Variants in AK3 observed in about 807,000 individuals in gnomAD.
AK3 encodes the protein GTP:AMP phosphotransferase AK3, mitochondrial.
In AK3, 27 loss-of-function variants were observed where a neutral mutation model predicts 23.7. The ratio of observed to expected loss-of-function variants is 1.14; its 90% CI spans 0.84 to 1.57. The LOEUF is 1.57. AK3 is among the 40% of genes most tolerant of loss of function. The probability of loss-of-function intolerance (pLI) is 0.00; values close to 1 mark genes in which losing one functional copy is unlikely to be tolerated. For synonymous variants in AK3, 159 were observed against 116.0 expected, an observed-to-expected ratio of 1.37 and a Z score of -2.38; for missense variants, 406 against 285.6, an observed-to-expected ratio of 1.42 and a Z score of -3.04.
At chr9:4,740,128 T>G (rs12349358) in intron 1 of AK3, among the ~76,000 whole-genome samples, 1 of 148,198 alleles carries the variant, frequency 6.7e-6, no homozygotes, top group Non-Finnish European at 1.5e-5. Context: ...TCTATGTAAA[T>G]GGGTTTCAAA....
At chr9:4,738,484 C>G (rs958768063) in intron 1 of AK3, among the ~76,000 whole-genome samples, 1 of 151,954 alleles carries the variant, frequency 6.6e-6, no homozygotes, top group Admixed American at 6.6e-5. Context: ...ATTTTTAAGA[C>G]TGCTTAATGA....
intron 1 of AK3, among the ~76,000 whole-genome samples, chr9:4,739,522 A>G (rs1339750446): frequency 1.3e-5 from 2 of 151,244 alleles, no homozygotes; most frequent in Non-Finnish European, 2.9e-5. Context: ...ACATACTACA[A>G]AAACAGAATG....
At chr9:4,740,525 A>T (rs1303782982) in intron 1 of AK3, among the ~76,000 whole-genome samples, 1 of 152,190 alleles carries the variant, frequency 6.6e-6, no homozygotes, top group Non-Finnish European at 1.5e-5. Context: ...AGAAACAAAG[A>T]AAACAAAACA....
chr9:4,722,421 G>A (rs1288902022), intron 2 of AK3, 85 bp downstream of exon 2: 47 of 1,585,506 alleles, frequency 3.0e-5, no homozygotes, highest in Admixed American at 6.9e-5. Context: ...CATCCTTGAC[G>A]TCTGTCTGAA....
chr9:4,731,484 G>A (rs1016314369), intron 1 of AK3, among the ~76,000 whole-genome samples: 3 of 151,274 alleles, frequency 2.0e-5, no homozygotes, highest in East Asian at 1.9e-4. Context: ...ATTTAATGGT[G>A]TCTATATCAT....
At chr9:4,733,836 G>A (rs1453246718) in intron 1 of AK3, among the ~76,000 whole-genome samples, 1 of 152,116 alleles carries the variant, frequency 6.6e-6, no homozygotes, top group East Asian at 1.9e-4. Flanking sequence ...CTTTACTCAA[G>A]CCGCATGGTA....
chr9:4,730,926 C>G (rs1842138125), intron 1 of AK3, among the ~76,000 whole-genome samples: 1 of 152,004 alleles, frequency 6.6e-6, no homozygotes, highest in Admixed American at 6.6e-5. Flanking sequence ...TTTATCTTCT[C>G]AGTTATAATT....
chr9:4,735,703 A>C lies in AK3; in HGVS notation c.151+5234T>G, dbSNP rs1230970740. 1.9e-4 allele frequency among the ~76,000 whole-genome samples: 29 copies of C among 150,336 alleles called. No homozygotes were observed. In the Admixed American group the frequency reaches 1.9e-3, roughly 10 times the overall value. The stretch of plus-strand genomic sequence containing the variant: ...AGGCTGATCCCAAACCCCTGACCTC[A>C]AATGATCCACCTTCCTCGGCCTCCC... On this transcript the variant is annotated intron_variant, in intron 1 of 4. Coordinates refer to ENST00000381809, the MANE Select transcript of AK3 (RefSeq NM_016282.4).
chr9:4,726,805 G>C (rs1384426388), intron 1 of AK3, among the ~76,000 whole-genome samples: 1 of 151,318 alleles, frequency 6.6e-6, no homozygotes, highest in Non-Finnish European at 1.5e-5. Context: ...AAATCCATCA[G>C]AGGAATCACT....
intron 1 of AK3, among the ~76,000 whole-genome samples, chr9:4,733,368 G>A (rs439660): frequency 6.6e-6 from 1 of 152,018 alleles, no homozygotes; most frequent in African/African-American, 2.4e-5. Flanking sequence ...AAACACTTGA[G>A]TCAACAAAGT....
rs1243158946 is a variant in AK3 at position 4,719,217 on chromosome 9, A to G, written c.362T>C (p.Ile121Thr). 6.2e-7 allele frequency: 1 copy of G among 1,612,032 alleles called. No individual in the cohort carries two copies. Among genetic ancestry groups the G allele is most frequent in the Non-Finnish European group, 8.5e-7 (1 of 1,179,826 alleles). Residue 121 changes from isoleucine to threonine, a missense_variant, in exon 3 of 5, where the codon ATT (isoleucine) becomes ACT (threonine). Ile to Thr is a moderately conservative substitution (Grantham distance 89). Coordinates refer to ENST00000381809, the MANE Select transcript of AK3 (RefSeq NM_016282.4). The stretch of plus-strand genomic sequence containing the variant: ...CCAGCGAGCAGTAAGGCGTTGTTTA[A>G]TGACCTCAAAGGGCACATTCAGGTT... ...VINLNVPFEVIKQRLTARWIH... is the reference protein window; with the variant it reads ...VINLNVPFEVTKQRLTARWIH...
intron 1 of AK3, among the ~76,000 whole-genome samples, chr9:4,724,600 G>A (rs1367260221): frequency 6.6e-6 from 1 of 152,090 alleles, no homozygotes; most frequent in African/African-American, 2.4e-5. Flanking sequence ...GCAACATGGT[G>A]AGACCCCATC....
chr9:4,735,504 G>C (rs1452132619), intron 1 of AK3, among the ~76,000 whole-genome samples: 1 of 117,236 alleles, frequency 8.5e-6, no homozygotes, highest in African/African-American at 3.6e-5. Context: ...TGGAAACAGA[G>C]TCTCACTGTG....
chr9:4,719,221 C>T lies in AK3; in HGVS notation c.358G>A (p.Val120Ile), dbSNP rs754942845. Reference sequence around the variant, plus strand: ...CGAGCAGTAAGGCGTTGTTTAATGACCTCAAAGGGCACATTCAGGTTAATC... The same window carrying T: ...CGAGCAGTAAGGCGTTGTTTAATGATCTCAAAGGGCACATTCAGGTTAATC... ...TVINLNVPFEVIKQRLTARWI... is the reference protein window; with the variant it reads ...TVINLNVPFEIIKQRLTARWI... Residue 120 changes from valine to isoleucine, a missense_variant, in exon 3 of 5, where the codon GTC (valine) becomes ATC (isoleucine). Coordinates refer to ENST00000381809, the MANE Select transcript of AK3 (RefSeq NM_016282.4). 6.8e-6 allele frequency: 11 copies of T among 1,611,790 alleles called. No homozygotes were observed. In the South Asian group the frequency reaches 7.7e-5, roughly 11 times the overall value.
At chr9:4,738,774 T>A (rs1842355405) in intron 1 of AK3, among the ~76,000 whole-genome samples, 1 of 144,280 alleles carries the variant, frequency 6.9e-6, no homozygotes, top group South Asian at 2.3e-4. Context: ...TTTTTTTTTT[T>A]TTTTTTTTTT....
At chr9:4,740,857 C>T (rs1308520593) in intron 1 of AK3, 80 bp downstream of exon 1, 4 of 1,357,218 alleles carry the variant, frequency 2.9e-6, no homozygotes, top group Non-Finnish European at 3.8e-6. Context: ...CAGGGACCCG[C>T]GTGCCCAGCT....
intron 1 of AK3, among the ~76,000 whole-genome samples, chr9:4,738,761 CTTTTTTTTTT>C (rs35812152): frequency 1.4e-3 from 106 of 75,106 alleles, no homozygotes; most frequent in African/African-American, 5.2e-3. Flanking sequence ...ATATGCTTTA[CTTTTTTTTTT>C]TTTTTTTTTT....
At chr9:4,715,048 G>C (rs756913865) in intron 4 of AK3, among the ~76,000 whole-genome samples, 7 of 151,634 alleles carry the variant, frequency 4.6e-5, no homozygotes, top group Non-Finnish European at 1.0e-4. Flanking sequence ...GCGAAACCCC[G>C]TCTCTACTAA....
intron 1 of AK3, among the ~76,000 whole-genome samples, chr9:4,730,549 G>C (rs1183659890): frequency 6.6e-6 from 1 of 152,176 alleles, no homozygotes; most frequent in Non-Finnish European, 1.5e-5. Context: ...GCTGCAGTGA[G>C]CCATGACCGC....
Sources: allele counts gnomAD v4.1 joint callset (sites outside exome capture counted in the v4.1 genomes callset), GRCh38; gene constraint gnomAD v4.1.1; transcripts MANE v1.5; gene names NCBI Gene and HGNC (gene_info 2026-07-23, HGNC 2026-07-21).